The following PRCC variants were observed in gnomAD, a reference collection of about 807,000 sequenced individuals.
PRCC encodes the protein proline-rich protein PRCC.
Under a neutral mutation model 44.0 loss-of-function variants are expected in PRCC, and 10 were observed. The ratio of observed to expected loss-of-function variants is 0.23; its 90% CI spans 0.14 to 0.39. PRCC has a LOEUF of 0.39. Ranked by LOEUF, PRCC falls within the 10% of genes least tolerant of loss-of-function variation. The probability of loss-of-function intolerance (pLI) is 1.00; values close to 1 mark genes in which losing one functional copy is unlikely to be tolerated. For missense variants in PRCC, 573 were observed against 624.7 expected (o/e 0.92, Z 0.88); for synonymous variants, 278 against 259.5 (o/e 1.07, Z -0.69).
In PRCC at chr1:156,767,981, A is replaced by G. The variant is rs1454764255; in HGVS notation, c.210A>G (p.Pro70=). 4 of 1,513,400 alleles carry G rather than the reference A, an allele frequency of 2.6e-6. No homozygotes were observed. Among genetic ancestry groups the G allele is most frequent in the East Asian group, 2.5e-5 (1 of 39,888 alleles). 93.7% of individuals were successfully genotyped at this position (1,513,400 alleles called of 1,614,324 possible). Residue 70 remains proline (P), a synonymous_variant, in exon 1 of 7, where the codon CCA becomes CCG. Transcript: ENST00000271526. ...PAFPPPLLLP[P]PTGDPRLQPP... is the part of the protein sequence containing the mutation. The stretch of plus-strand genomic sequence containing the variant: ...TTCCCCCGCCGCTGTTGCTTCCCCC[A>G]CCCACCGGAGACCCCAGGCTTCAGC...
intron 1 of PRCC, among the ~76,000 whole-genome samples, chr1:156,771,262 TAG>T (rs368555722): frequency 2.6e-5 from 4 of 151,766 alleles, no homozygotes; most frequent in Admixed American, 2.0e-4. Flanking sequence ...AGAATGGGGC[TAG>T]AGAGAGAGAG....
intron 2 of PRCC, among the ~76,000 whole-genome samples, chr1:156,782,672 G>C (rs1652088842): frequency 6.6e-6 from 1 of 152,278 alleles, no homozygotes; most frequent in African/African-American, 2.4e-5. Context: ...AAAATTGTCT[G>C]TCTTCTTCCT....
rs1423767112 is a variant in PRCC at position 156,774,427 on chromosome 1, G to A, written c.468+6188G>A. ...TGACCTCGTGATCCGCCCGTCTCGG[G>A]CTCCCAAAGTGCTGGGATTACAGGC... On this transcript the variant is annotated intron_variant, in intron 1 of 6. Coordinates refer to ENST00000271526, the MANE Select transcript of PRCC (RefSeq NM_005973.5). Among the ~76,000 whole-genome samples the A allele has an allele frequency of 2.6e-5, 4 of 151,156 alleles. No homozygotes were observed. The East Asian group carries it at 7.9e-4, about 30-fold the overall frequency.
At chr1:156,778,687 A>G (rs1477275409) in intron 1 of PRCC, among the ~76,000 whole-genome samples, 2 of 149,170 alleles carry the variant, frequency 1.3e-5, no homozygotes, top group African/African-American at 5.0e-5. Flanking sequence ...GGTTTAAGTG[A>G]TCCTTCCACC....
Position 156,800,550 on chromosome 1 carries a change from C to A in PRCC, c.*90C>A. The A allele has an allele frequency of 7.5e-7, 1 of 1,326,610 alleles. No homozygotes were observed. Among genetic ancestry groups the A allele is most frequent in the South Asian group, 1.2e-5 (1 of 84,740 alleles). The allele number at this position is 1,326,610 out of a possible 1,614,324, so 82.2% of individuals were successfully genotyped here. ...CTCTGGGACCCCAGCTGCTCTAAGCCCAGGATCTCTTTCCCCAAGGACCCA... is the reference window on the plus strand; with the variant it reads ...CTCTGGGACCCCAGCTGCTCTAAGCACAGGATCTCTTTCCCCAAGGACCCA... On this transcript the variant is annotated 3_prime_UTR_variant, in exon 7 of 7. Transcript: ENST00000271526.
intron 3 of PRCC, 61 bp downstream of exon 3, chr1:156,787,235 T>C (rs1046420182): frequency 1.9e-5 from 28 of 1,511,178 alleles, no homozygotes; most frequent in Non-Finnish European, 2.3e-5. Flanking sequence ...CAAGGAGAGC[T>C]TTGAGCTAGT....
At chr1:156,780,721 T>G (rs1203541591) in intron 1 of PRCC, among the ~76,000 whole-genome samples, 1 of 152,138 alleles carries the variant, frequency 6.6e-6, no homozygotes, top group Non-Finnish European at 1.5e-5. Context: ...TATCTTATAC[T>G]GCCTTTTATT....
intron 1 of PRCC, among the ~76,000 whole-genome samples, chr1:156,771,325 C>T (rs1158446402): frequency 6.6e-6 from 1 of 152,166 alleles, no homozygotes; most frequent in Non-Finnish European, 1.5e-5. Flanking sequence ...CTTTCTACCT[C>T]ATTTTGGGGT....
chr1:156,788,406 C>T (rs944173557), intron 3 of PRCC, among the ~76,000 whole-genome samples: 6 of 152,108 alleles, frequency 3.9e-5, no homozygotes, highest in African/African-American at 4.8e-5. Flanking sequence ...CCACTGTTGA[C>T]GGGCATGTAG....
intron 2 of PRCC, among the ~76,000 whole-genome samples, chr1:156,782,868 G>A (rs1652094510): frequency 6.6e-6 from 1 of 152,052 alleles, no homozygotes; most frequent in African/African-American, 2.4e-5. Flanking sequence ...CAACTAGTGT[G>A]GGCAGAGCTG....
At chr1:156,789,960 T>C (rs1652417948) in intron 3 of PRCC, among the ~76,000 whole-genome samples, 1 of 152,222 alleles carries the variant, frequency 6.6e-6, no homozygotes, top group African/African-American at 2.4e-5. Context: ...AGAGAATTCC[T>C]AGCAGTCAGA....
intron 6 of PRCC, among the ~76,000 whole-genome samples, chr1:156,798,461 C>T (rs754816345): frequency 3.3e-5 from 5 of 152,172 alleles, no homozygotes; most frequent in South Asian, 2.1e-4. Context: ...GTCTACGGAA[C>T]GTACCAAACA....
intron 1 of PRCC, among the ~76,000 whole-genome samples, chr1:156,778,509 C>T (rs1651908886): frequency 6.6e-6 from 1 of 151,596 alleles, no homozygotes; most frequent in African/African-American, 2.4e-5. Context: ...GCAGATACCT[C>T]TTTGGCAAAC....
intron 1 of PRCC, among the ~76,000 whole-genome samples, chr1:156,776,442 T>C (rs1028763511): frequency 1.3e-5 from 2 of 150,360 alleles, no homozygotes; most frequent in African/African-American, 4.9e-5. Flanking sequence ...CTAGAAATAA[T>C]AGACTGTTCC....
intron 1 of PRCC, among the ~76,000 whole-genome samples, chr1:156,769,886 C>T (rs1401912728): frequency 1.3e-5 from 2 of 152,090 alleles, no homozygotes; most frequent in Non-Finnish European, 2.9e-5. Flanking sequence ...AGGCGTGAGC[C>T]GCAGCACCCG....
intron 2 of PRCC, among the ~76,000 whole-genome samples, chr1:156,784,479 G>A (rs2102763428): frequency 6.6e-6 from 1 of 152,314 alleles, no homozygotes; most frequent in East Asian, 1.9e-4. Context: ...ACTTAGGACT[G>A]CAAAATGTTG....
At chr1:156,778,196 G>A (rs1026241195) in intron 1 of PRCC, among the ~76,000 whole-genome samples, 5 of 151,928 alleles carry the variant, frequency 3.3e-5, no homozygotes, top group Non-Finnish European at 7.4e-5. Flanking sequence ...TTTTACCATC[G>A]TCTCCTCAGT....
chr1:156,797,196 C>G lies in PRCC; in HGVS notation c.1324-80C>G, dbSNP rs1652686297. Reference sequence around the variant, plus strand: ...GGCTGTGGAATTGGCTTCTCAGCCCCTAACACCACACCATCTGGGCACATG... The same window carrying G: ...GGCTGTGGAATTGGCTTCTCAGCCCGTAACACCACACCATCTGGGCACATG... On this transcript the variant is annotated intron_variant, in intron 5 of 6. Transcript: ENST00000271526. The G allele has an allele frequency of 1.9e-6, 3 of 1,584,438 alleles. No homozygotes were observed. The South Asian group carries it at 3.3e-5, about 18-fold the overall frequency.
chr1:156,767,685 G>C lies in PRCC; in HGVS notation c.-87G>C. 2.9e-6 allele frequency: 4 copies of C among 1,358,488 alleles called. No individual in the cohort carries two copies. The highest frequency in any genetic ancestry group is 3.9e-6 in the Non-Finnish European group (4 of 1,015,240). The allele number at this position is 1,358,488 out of a possible 1,614,324, so 84.2% of individuals were successfully genotyped here. On this transcript the variant is annotated 5_prime_UTR_variant, in exon 1 of 7. Coordinates refer to ENST00000271526, the MANE Select transcript of PRCC (RefSeq NM_005973.5). ...ACTTTTCGGTTCCCCGCCCCGCCAG[G>C]TGGCGGGGCCTACTAGGCCTCCGGG...
Sources: gnomAD v4.1 joint callset for allele counts (sites outside exome capture counted in the v4.1 genomes callset) on GRCh38, gnomAD v4.1.1 for gene constraint, MANE v1.5 for transcripts, NCBI Gene and HGNC (gene_info 2026-07-23, HGNC 2026-07-21) for gene names.